The following ANXA4 variants were observed in gnomAD, a reference collection of about 807,000 sequenced individuals.
The protein encoded by ANXA4 is annexin A4, also known as 35-beta calcimedin.
ANXA4 carries 39 observed loss-of-function variants against 49.8 expected under a neutral mutation model. The observed-to-expected ratio is 0.78, with a 90% confidence interval of 0.61 to 1.02. The LOEUF is 1.02. ANXA4 is among the 50% of genes least tolerant of loss of function. The probability of loss-of-function intolerance (pLI) is 0.00; values close to 1 mark genes in which losing one functional copy is unlikely to be tolerated. For missense variants in ANXA4, 360 were observed against 410.1 expected, an observed-to-expected ratio of 0.88 and a Z score of 1.05; for synonymous variants, 134 against 152.5, an observed-to-expected ratio of 0.88 and a Z score of 0.89.
intron 1 of ANXA4, among the ~76,000 whole-genome samples, chr2:69,764,446 A>C (rs1465685895): frequency 6.6e-6 from 1 of 152,218 alleles, no homozygotes; most frequent in Non-Finnish European, 1.5e-5. Context: ...GATGCTGTGC[A>C]AAAGCCACAT....
chr2:69,805,357 A>G (rs945768001), intron 4 of ANXA4, among the ~76,000 whole-genome samples: 2 of 152,088 alleles, frequency 1.3e-5, no homozygotes, highest in East Asian at 3.9e-4. Flanking sequence ...TAATCCTAGC[A>G]CTTTGGGAGG....
At chr2:69,773,873 G>A (rs945504611) in intron 1 of ANXA4, among the ~76,000 whole-genome samples, 1 of 151,380 alleles carries the variant, frequency 6.6e-6, no homozygotes, top group African/African-American at 2.4e-5. Flanking sequence ...CTCGTGATTC[G>A]CCTGCCTCGG....
chr2:69,678,374 A>G (rs1020060510), intron 2 of ANXA4, among the ~76,000 whole-genome samples: 8 of 134,378 alleles, frequency 6.0e-5, no homozygotes, highest in African/African-American at 8.4e-5. Flanking sequence ...ACAAATCTAC[A>G]CTTTCTTTTC....
At chr2:69,758,627 AAAAT>A (rs1671153187) in intron 1 of ANXA4, among the ~76,000 whole-genome samples, 1 of 152,254 alleles carries the variant, frequency 6.6e-6, no homozygotes, top group Admixed American at 6.5e-5. Flanking sequence ...GTTTCTTAAA[AAAAT>A]AAAAATGATA....
At chr2:69,644,107 G>A, upstream of ANXA4, 2 of 153,130 alleles carry the variant, frequency 1.3e-5, no homozygotes, top group East Asian at 1.9e-4. Context: ...GGGGTGGCGC[G>A]TATGTGGGGA....
chr2:69,669,345 C>T (rs1204500206), intron 2 of ANXA4, among the ~76,000 whole-genome samples: 1 of 151,928 alleles, frequency 6.6e-6, no homozygotes, highest in East Asian at 2.0e-4. Flanking sequence ...CGCAGTGGCT[C>T]ACGCCTGCAA....
At chr2:69,824,455 A>T (rs1333661844) in intron 12 of ANXA4, among the ~76,000 whole-genome samples, 2 of 148,654 alleles carry the variant, frequency 1.3e-5, no homozygotes, top group Non-Finnish European at 3.0e-5. Context: ...GTGAGCCAGG[A>T]TTGCACCATT....
chr2:69,722,319 C>G (rs1211035015), intron 3 of ANXA4, among the ~76,000 whole-genome samples: 1 of 152,172 alleles, frequency 6.6e-6, no homozygotes, highest in African/African-American at 2.4e-5. Context: ...GCTTGCATGC[C>G]AGTGTTCACG....
Position 69,757,238 on chromosome 2 carries a change from TTATATA to T in ANXA4, c.-47+15087_-47+15092del, listed in dbSNP as rs869068494. On this transcript the variant is annotated intron_variant, in intron 1 of 12. Coordinates refer to ENST00000394295, the MANE Select transcript of ANXA4 (RefSeq NM_001153.5). Reference sequence around the variant, plus strand: ...GCCACCGTGCCCAGCCATTTTTGTTTTATATATATATATATATATATATATATATTT... The same window carrying T: ...GCCACCGTGCCCAGCCATTTTTGTTTTATATATATATATATATATATATTT... Among the ~76,000 whole-genome samples, 228 of 59,048 alleles carry T rather than the reference TTATATA, an allele frequency of 3.9e-3. 1 individual carries two copies. The highest frequency in any genetic ancestry group is 6.8e-3 in the African/African-American group (108 of 15,986). 38.7% of individuals were successfully genotyped at this position (59,048 alleles called of 152,430 possible). A position where few individuals can be genotyped will look rare whatever the true frequency, so the allele number is the denominator to read the frequency against.
intron 3 of ANXA4, among the ~76,000 whole-genome samples, chr2:69,732,507 C>G (rs1420040804): frequency 1.3e-5 from 2 of 151,858 alleles, no homozygotes; most frequent in African/African-American, 2.4e-5. Flanking sequence ...GCCTGTAATC[C>G]CAGCACTTTG....
intron 11 of ANXA4, 75 bp downstream of exon 11, chr2:69,819,413 C>A: frequency 1.8e-6 from 2 of 1,110,386 alleles, no homozygotes; most frequent in Non-Finnish European, 2.6e-6. Context: ...TACTTATATC[C>A]CCTATCCAAA....
At chr2:69,734,716 T>TC (rs1182985382) in intron 3 of ANXA4, among the ~76,000 whole-genome samples, 1 of 152,024 alleles carries the variant, frequency 6.6e-6, no homozygotes, top group Non-Finnish European at 1.5e-5. Flanking sequence ...GTTTGCTTGT[T>TC]CCCCCCAAAA....
chr2:69,821,168 G>A (rs544498344), intron 12 of ANXA4, among the ~76,000 whole-genome samples: 1 of 152,286 alleles, frequency 6.6e-6, no homozygotes, highest in Admixed American at 6.5e-5. Flanking sequence ...GAGGTCTGCT[G>A]GGAATATGGG....
chr2:69,674,054 T>A (rs921971634), intron 2 of ANXA4: 1 of 132,922 alleles, frequency 7.5e-6, no homozygotes, highest in Non-Finnish European at 1.5e-5. Context: ...CGGTGAACAC[T>A]GTCTGGTGCA....
intron 3 of ANXA4, among the ~76,000 whole-genome samples, chr2:69,724,171 TGGCTATCC>T (rs1254037819): frequency 1.3e-5 from 2 of 152,124 alleles, no homozygotes; most frequent in Non-Finnish European, 2.9e-5. Context: ...CATGCAACAA[TGGCTATCC>T]AAATACCTTA....
chr2:69,664,942 A>C (rs1676879708), intron 2 of ANXA4, among the ~76,000 whole-genome samples: 1 of 152,118 alleles, frequency 6.6e-6, no homozygotes, highest in Non-Finnish European at 1.5e-5. Flanking sequence ...GTGTCTACTA[A>C]AAATACAAAA....
intron 1 of ANXA4, among the ~76,000 whole-genome samples, chr2:69,765,481 A>G (rs1262016319): frequency 6.6e-6 from 1 of 152,164 alleles, no homozygotes. Flanking sequence ...ATCCGGGTAC[A>G]CTACCCCAAT....
At chr2:69,684,685 CAAA>C (rs199639261) in intron 2 of ANXA4, among the ~76,000 whole-genome samples, 5 of 80,034 alleles carry the variant, frequency 6.2e-5, no homozygotes, top group Admixed American at 1.2e-4. Context: ...AAGACTGTCT[CAAA>C]AAAAAAAAAA....
chr2:69,736,223 TG>T (rs1456933666), intron 3 of ANXA4, among the ~76,000 whole-genome samples: 2 of 152,044 alleles, frequency 1.3e-5, no homozygotes, highest in Admixed American at 6.6e-5. Context: ...TTGATTGAGG[TG>T]GGGGGCAGGG....
Sources: gnomAD v4.1 joint callset for allele counts (sites outside exome capture counted in the v4.1 genomes callset) on GRCh38, gnomAD v4.1.1 for gene constraint, MANE v1.5 for transcripts, NCBI Gene and HGNC (gene_info 2026-07-23, HGNC 2026-07-21) for gene names.